SH3RF1: variants seen among roughly 807,000 people sequenced by gnomAD.
SH3RF1 encodes E3 ubiquitin-protein ligase SH3RF1.
SH3RF1 carries 32 observed loss-of-function variants against 74.0 expected under a neutral mutation model. The ratio of observed to expected loss-of-function variants is 0.43; its 90% CI spans 0.33 to 0.58. The LOEUF is 0.58. Among genes scored for constraint, SH3RF1 ranks in the 20% least tolerant of loss-of-function variants. SH3RF1 has a pLI of 0.05. For missense variants in SH3RF1, 954 were observed against 1,130.9 expected (o/e 0.84, Z 2.24); for synonymous variants, 396 against 439.6 (o/e 0.90, Z 1.24).
chr4:169,218,262 A>T (rs1372115269), intron 2 of SH3RF1, among the ~76,000 whole-genome samples: 13 of 142,768 alleles, frequency 9.1e-5, no homozygotes, highest in Non-Finnish European at 1.7e-4. Context: ...GTTTATATAT[A>T]ATATAGAATA....
chr4:169,195,841 T>C (rs1309380783), intron 2 of SH3RF1, among the ~76,000 whole-genome samples: 1 of 152,128 alleles, frequency 6.6e-6, no homozygotes, highest in Non-Finnish European at 1.5e-5. Flanking sequence ...GCACAATTAT[T>C]TTATTTTTAT....
At chr4:169,104,760 C>T (rs35477638) in intron 11 of SH3RF1, among the ~76,000 whole-genome samples, 14,498 of 151,924 alleles carry the variant, frequency 0.095, 912 homozygotes, top group South Asian at 0.17. Flanking sequence ...AAAAATTAGC[C>T]GGGCGTGGTG....
intron 10 of SH3RF1, among the ~76,000 whole-genome samples, chr4:169,108,760 A>G (rs1175717297): frequency 6.6e-6 from 1 of 152,190 alleles, no homozygotes; most frequent in Non-Finnish European, 1.5e-5. Context: ...GAATGTCCTC[A>G]CAAACTTGGA....
chr4:169,120,427 T>C (rs1733419179), intron 8 of SH3RF1, among the ~76,000 whole-genome samples: 1 of 152,246 alleles, frequency 6.6e-6, no homozygotes, highest in South Asian at 2.1e-4. Flanking sequence ...ATCAGTGTAA[T>C]GCATTTATAA....
At chr4:169,100,195 A>G (rs1732995662) in intron 11 of SH3RF1, among the ~76,000 whole-genome samples, 1 of 151,988 alleles carries the variant, frequency 6.6e-6, no homozygotes, top group African/African-American at 2.4e-5. Context: ...GGGTTTGGGG[A>G]AGTTCTGAAC....
Position 169,106,948 on chromosome 4 carries a change from T to C in SH3RF1, c.2397A>G (p.Ala799=), listed in dbSNP as rs1733153645. 19 of 1,613,764 alleles carry C rather than the reference T, an allele frequency of 1.2e-5. No individual in the cohort carries two copies. The highest frequency in any genetic ancestry group is 1.6e-4 in the Middle Eastern group (1 of 6,084). The change falls in exon 11 of 12, where the codon GCA becomes GCG. Residue 799 remains alanine (A), a synonymous_variant. Coordinates refer to ENST00000284637, the MANE Select transcript of SH3RF1 (RefSeq NM_020870.4). ...TGGGAACTGCGGAGTCCAGGGAACT[T>C]GCCTTCCTATGAAAAGCATCCTGGG... is the stretch of plus-strand genomic sequence containing the variant. ...ALAQDAFHRK[A]SSLDSAVPIA...
Position 169,269,047 on chromosome 4 carries a change from C to T in SH3RF1, c.166G>A (p.Val56Ile). ...GGAAGCTCCTCGACACCCGAGCCAACAAGAGTCCTGCACTCGGGACATCTG... is the reference window on the plus strand; with the variant it reads ...GGAAGCTCCTCGACACCCGAGCCAATAAGAGTCCTGCACTCGGGACATCTG... ...ELRCPECRTL[V>I]GSGVEELPSN... is the part of the protein sequence containing the mutation. The change falls in exon 2 of 12, where the codon GTT becomes ATT. Residue 56 changes from valine to isoleucine, a missense_variant. Val to Ile is a conservative substitution (Grantham distance 29, BLOSUM62 3). Around this residue, in one of 3 missense-constraint regions of SH3RF1, gnomAD observed 64 missense variants for 101.9 expected, o/e 0.63. Transcript: ENST00000284637. The T allele has an allele frequency of 6.2e-7, 1 of 1,614,208 alleles. No individual in the cohort carries two copies. The highest frequency in any genetic ancestry group is 8.5e-7 in the Non-Finnish European group (1 of 1,180,034).
chr4:169,264,424 T>C (rs964622134), intron 2 of SH3RF1, among the ~76,000 whole-genome samples: 1 of 152,178 alleles, frequency 6.6e-6, no homozygotes, highest in Admixed American at 6.5e-5. Flanking sequence ...TGTGAGGTAC[T>C]AGGAGTTAGA....
intron 2 of SH3RF1, among the ~76,000 whole-genome samples, chr4:169,163,418 C>T (rs1734183664): frequency 6.6e-6 from 1 of 152,084 alleles, no homozygotes; most frequent in African/African-American, 2.4e-5. Flanking sequence ...CACTCAGGAG[C>T]ATGTTTAAAA....
At chr4:169,206,847 GAA>G (rs1292523935) in intron 2 of SH3RF1, among the ~76,000 whole-genome samples, 2 of 152,196 alleles carry the variant, frequency 1.3e-5, no homozygotes, top group African/African-American at 4.8e-5. Context: ...ATTATAAAAA[GAA>G]AGAGGCCAGG....
intron 8 of SH3RF1, among the ~76,000 whole-genome samples, chr4:169,118,894 C>T (rs551270427): frequency 6.6e-6 from 1 of 152,314 alleles, no homozygotes; most frequent in South Asian, 2.1e-4. Flanking sequence ...CAACTCTAAA[C>T]ATCTATTTAC....
In SH3RF1 at chr4:169,107,128, C is replaced by A. The variant is rs779795965; in HGVS notation, c.2217G>T (p.Ser739=). ...KRKPRVSPPA[S]PTLEVELGSA... is the part of the protein sequence containing the mutation. Reference sequence around the variant, plus strand: ...TGCCCAGCTCCACTTCTAGGGTGGGCGATGCTGGAGGAGACACGCGGGGCT... The same window carrying A: ...TGCCCAGCTCCACTTCTAGGGTGGGAGATGCTGGAGGAGACACGCGGGGCT... The change falls in exon 11 of 12, where the codon TCG becomes TCT. Residue 739 remains serine, a synonymous_variant. Transcript: ENST00000284637. The A allele has an allele frequency of 8.1e-6, 13 of 1,610,640 alleles. No homozygotes were observed. The highest frequency in any genetic ancestry group is 5.5e-5 in the South Asian group (5 of 90,918).
intron 2 of SH3RF1, among the ~76,000 whole-genome samples, chr4:169,178,430 T>C (rs1325444074): frequency 6.6e-6 from 1 of 151,878 alleles, no homozygotes; most frequent in Non-Finnish European, 1.5e-5. Context: ...AAGAATTATT[T>C]AGCCCAGCTT....
At chr4:169,242,559 T>G (rs1348713553) in intron 2 of SH3RF1, among the ~76,000 whole-genome samples, 1 of 152,188 alleles carries the variant, frequency 6.6e-6, no homozygotes. Context: ...TCTGTGGATC[T>G]GAGGTGGGGC....
At chr4:169,102,215 T>C (rs1388954402) in intron 11 of SH3RF1, among the ~76,000 whole-genome samples, 2 of 152,204 alleles carry the variant, frequency 1.3e-5, no homozygotes, top group Non-Finnish European at 1.5e-5. Flanking sequence ...GTTCCCTTTG[T>C]AGCTTGCTCC....
Position 169,184,198 on chromosome 4 carries a change from G to A in SH3RF1, c.394-27519C>T, listed in dbSNP as rs539658744. ...CCTACTTCTGAAATCCATTTGGTAC[G>A]GCAGGAGATCTCTTGCGGGATGTCT... On this transcript the variant is annotated intron_variant, in intron 2 of 11. Transcript: ENST00000284637. Among the ~76,000 whole-genome samples the A allele has an allele frequency of 8.5e-5, 13 of 152,306 alleles. No homozygotes were observed. The South Asian group carries it at 2.3e-3, about 27-fold the overall frequency.
At chr4:169,155,681 A>G in intron 3 of SH3RF1, 106 bp from the exon 4 acceptor site, 1 of 785,594 alleles carries the variant, frequency 1.3e-6, no homozygotes. Flanking sequence ...TAAAGAGTAC[A>G]TGAATAAAAA....
chr4:169,199,182 G>A (rs1171772723), intron 2 of SH3RF1, among the ~76,000 whole-genome samples: 1 of 152,170 alleles, frequency 6.6e-6, no homozygotes, highest in Non-Finnish European at 1.5e-5. Flanking sequence ...TATTTGGGAG[G>A]CATTTAATAT....
intron 2 of SH3RF1, among the ~76,000 whole-genome samples, chr4:169,193,822 G>A (rs1270774292): frequency 6.6e-6 from 1 of 152,196 alleles, no homozygotes; most frequent in Non-Finnish European, 1.5e-5. Flanking sequence ...TACGAGCCTT[G>A]GGAATAAATT....
Sources: gnomAD v4.1 joint callset for allele counts (sites outside exome capture counted in the v4.1 genomes callset) on GRCh38, gnomAD v4.1.1 for gene constraint, gnomAD v4.1.1 regional missense constraint, MANE v1.5 for transcripts, NCBI Gene and HGNC (gene_info 2026-07-23, HGNC 2026-07-21) for gene names.